The following SLC37A1 variants were observed in gnomAD, a reference collection of about 807,000 sequenced individuals.
The protein encoded by SLC37A1 is solute carrier family 37 member 1, also known as glucose-6-phosphate exchanger SLC37A1.
Under a neutral mutation model 75.3 loss-of-function variants are expected in SLC37A1, and 49 were observed. That is an observed-to-expected ratio of 0.65 (90% CI 0.52 to 0.83). The LOEUF is 0.83. Ranked by LOEUF, SLC37A1 falls within the 40% of genes least tolerant of loss-of-function variation. The probability of loss-of-function intolerance (pLI) is 0.00; values close to 1 mark genes in which losing one functional copy is unlikely to be tolerated. For synonymous variants in SLC37A1, 268 were observed against 292.1 expected (o/e 0.92, Z 0.84); for missense variants, 566 against 695.0 (o/e 0.81, Z 2.09).
At chr21:42,555,304 C>T (rs935048890) in intron 10 of SLC37A1, among the ~76,000 whole-genome samples, 3 of 152,138 alleles carry the variant, frequency 2.0e-5, no homozygotes, top group African/African-American at 4.8e-5. Context: ...TAAGGTTTAA[C>T]CTTCTACAGC....
intron 16 of SLC37A1, among the ~76,000 whole-genome samples, chr21:42,567,649 CTTTAT>C (rs1020540804): frequency 4.6e-5 from 7 of 152,114 alleles, no homozygotes; most frequent in African/African-American, 1.4e-4. Context: ...ATTGTGTGTT[CTTTAT>C]TTTATATACA....
intron 8 of SLC37A1, 137 bp from the exon 9 acceptor site, chr21:42,546,966 T>C (rs2055423198): frequency 1.0e-6 from 1 of 983,470 alleles, no homozygotes; most frequent in Non-Finnish European, 1.6e-6. Context: ...TCAAATCCAC[T>C]CATTTAATGT....
intron 19 of SLC37A1, among the ~76,000 whole-genome samples, chr21:42,580,011 A>T (rs1391248259): frequency 6.6e-6 from 1 of 152,046 alleles, no homozygotes; most frequent in African/African-American, 2.4e-5. Flanking sequence ...TGAGTGGAAA[A>T]TGTGAGGGAA....
chr21:42,526,043 G>T, intron 3 of SLC37A1, 186 bp downstream of exon 3: 19 of 524,632 alleles, frequency 3.6e-5, no homozygotes, highest in South Asian at 1.2e-4. Context: ...AATGTTTTTT[G>T]GATTTATACT....
intron 5 of SLC37A1, among the ~76,000 whole-genome samples, chr21:42,538,798 G>A (rs1168654183): frequency 6.6e-6 from 1 of 152,184 alleles, no homozygotes; most frequent in Non-Finnish European, 1.5e-5. Context: ...GGCTGTTTTA[G>A]TGAGGCGCTA....
intron 10 of SLC37A1, among the ~76,000 whole-genome samples, chr21:42,558,151 TTA>T (rs903386761): frequency 1.1e-4 from 16 of 152,290 alleles, no homozygotes; most frequent in Admixed American, 7.8e-4. Flanking sequence ...AAGATTATTT[TTA>T]TGTTATCCTT....
At chr21:42,575,592 G>A (rs928687132) in intron 18 of SLC37A1, 1 of 985,368 alleles carries the variant, frequency 1.0e-6, no homozygotes, top group Admixed American at 6.1e-5. Flanking sequence ...GCAGCTGTGA[G>A]GGGTGCATAC....
intron 16 of SLC37A1, 76 bp from the exon 17 acceptor site, chr21:42,568,284 A>C: frequency 1.7e-6 from 2 of 1,171,044 alleles, no homozygotes; most frequent in Non-Finnish European, 2.5e-6. Flanking sequence ...CAGTTTGAGT[A>C]AATGGTCATA....
chr21:42,524,543 T>C (rs766035000), intron 2 of SLC37A1, among the ~76,000 whole-genome samples: 2 of 152,236 alleles, frequency 1.3e-5, no homozygotes, highest in Non-Finnish European at 2.9e-5. Context: ...GCCTTGCTTG[T>C]GTGCTTCTGA....
chr21:42,546,221 T>C (rs2055403457), intron 8 of SLC37A1, among the ~76,000 whole-genome samples: 1 of 152,244 alleles, frequency 6.6e-6, no homozygotes, highest in African/African-American at 2.4e-5. Context: ...GGTCTGACTC[T>C]GGGTTCCCGC....
chr21:42,579,943 C>T (rs892333050), intron 19 of SLC37A1, 143 bp downstream of exon 19: 26 of 726,052 alleles, frequency 3.6e-5, no homozygotes, highest in Non-Finnish European at 5.8e-5. Context: ...TTCACTCTCA[C>T]TTTTTCTTTT....
At chr21:42,511,119 G>A (rs1336401882), upstream of SLC37A1, among the ~76,000 whole-genome samples, 2 of 152,174 alleles carry the variant, frequency 1.3e-5, no homozygotes, top group Non-Finnish European at 2.9e-5. Flanking sequence ...AATTTAAGAA[G>A]ATTAAAATCA....
At chr21:42,534,213 C>T (rs777961628) in intron 3 of SLC37A1, among the ~76,000 whole-genome samples, 32 of 152,202 alleles carry the variant, frequency 2.1e-4, no homozygotes, top group Non-Finnish European at 3.5e-4. Flanking sequence ...TGTACTCTTT[C>T]ATGTCTGCCT....
At chr21:42,576,698 G>A (rs921499726) in intron 18 of SLC37A1, among the ~76,000 whole-genome samples, 5 of 152,092 alleles carry the variant, frequency 3.3e-5, no homozygotes, top group African/African-American at 1.2e-4. Context: ...AGACAGAGCA[G>A]GCTTCAAAAA....
chr21:42,535,579 T>TC (rs756175080), intron 5 of SLC37A1, 29 bp downstream of exon 5: 1 of 1,595,728 alleles, frequency 6.3e-7, no homozygotes, highest in Middle Eastern at 1.7e-4. Flanking sequence ...TCCAGACCCT[T>TC]CCTGGTTACC....
Position 42,559,066 on chromosome 21 carries a change from T to C in SLC37A1, c.958T>C (p.Phe320Leu). 1.9e-6 allele frequency: 3 copies of C among 1,612,176 alleles called. No individual in the cohort carries two copies. Among genetic ancestry groups the C allele is most frequent in the East Asian group, 2.2e-5 (1 of 44,646 alleles). ...TGGGAGTGGCACGGCCGCCATCAGC[T>C]TCACAGGGGCCTTGAAAATTCCAGT... ...DGGSGTAAISFTGALKIPGVI... is the reference protein window; with the variant it reads ...DGGSGTAAISLTGALKIPGVI... Residue 320 changes from phenylalanine to leucine, a missense_variant, in exon 11 of 20, where the codon TTC (phenylalanine) becomes CTC (leucine). By Grantham distance (22) the Phe-to-Leu change is conservative. Coordinates refer to ENST00000352133, the MANE Select transcript of SLC37A1 (RefSeq NM_001320537.2).
chr21:42,565,266 A>AATGC (rs1324542631), intron 14 of SLC37A1, among the ~76,000 whole-genome samples: 4 of 152,266 alleles, frequency 2.6e-5, no homozygotes, highest in Middle Eastern at 3.2e-3. Context: ...GGTTAGAAAC[A>AATGC]ATGCACATGG....
At chr21:42,540,381 T>C (rs76954868) in intron 6 of SLC37A1, among the ~76,000 whole-genome samples, 2,458 of 152,178 alleles carry the variant, frequency 0.016, 63 homozygotes, top group African/African-American at 0.056. Context: ...GGTCCAAGCC[T>C]ACAAAGGAAA....
intron 16 of SLC37A1, among the ~76,000 whole-genome samples, chr21:42,567,984 G>C (rs117029439): frequency 6.6e-6 from 1 of 152,392 alleles, no homozygotes; most frequent in Admixed American, 6.5e-5. Flanking sequence ...GAATCCAGCA[G>C]ACACGTGGAT....
Sources: gnomAD v4.1 joint callset for allele counts (sites outside exome capture counted in the v4.1 genomes callset) on GRCh38, gnomAD v4.1.1 for gene constraint, MANE v1.5 for transcripts, NCBI Gene and HGNC (gene_info 2026-07-23, HGNC 2026-07-21) for gene names.